The following SERPINH1 variants were observed in gnomAD, a reference collection of about 807,000 sequenced individuals.
SERPINH1 encodes the protein serpin family H member 1.
SERPINH1 carries 22 observed loss-of-function variants against 32.3 expected under a neutral mutation model. The observed-to-expected ratio is 0.68, with a 90% CI of 0.49 to 0.97. The LOEUF is 0.97. Ranked by LOEUF, SERPINH1 falls within the 50% of genes least tolerant of loss-of-function variation. The pLI, the probability that SERPINH1 is intolerant of heterozygous loss-of-function variation, is 0.00. For synonymous variants in SERPINH1, 251 were observed against 245.9 expected (o/e 1.02, Z -0.19); for missense variants, 543 against 576.4 (o/e 0.94, Z 0.59).
intron 2 of SERPINH1, chr11:75,568,292 A>C: frequency 4.8e-6 from 1 of 209,944 alleles, no homozygotes; most frequent in Non-Finnish European, 9.2e-6. Flanking sequence ...ACCTTGTCTC[A>C]AAAAGAAAAA....
rs768360780 is a variant in SERPINH1 at position 75,572,050 on chromosome 11, G to C, written c.1224G>C (p.Arg408=). ...TGCTATTCATTGGGCGCCTGGTCCG[G>C]CCTAAGGGTGACAAGATGCGAGACG... ...GSLLFIGRLV[R]PKGDKMRDEL The change falls in exon 5 of 5, where the codon CGG becomes CGC. Residue 408 remains arginine, a synonymous_variant. Transcript: ENST00000358171. 3 of 1,614,196 alleles carry C rather than the reference G, an allele frequency of 1.9e-6. No homozygotes were observed. In the East Asian group the frequency reaches 6.7e-5, roughly 36 times the overall value.
chr11:75,568,475 C>G, intron 2 of SERPINH1: 1 of 537,816 alleles, frequency 1.9e-6, no homozygotes, highest in Non-Finnish European at 3.4e-6. Flanking sequence ...GGAATTAATT[C>G]TCTATCATAT....
intron 3 of SERPINH1, 23 bp from the exon 4 acceptor site, chr11:75,568,916 T>C: frequency 6.2e-7 from 1 of 1,611,842 alleles, no homozygotes; most frequent in South Asian, 1.1e-5. Context: ...GGGTGCCCAG[T>C]GTCCTTTCCG....
Position 75,566,466 on chromosome 11 carries a change from G to C in SERPINH1, c.117G>C (p.Lys39Asn). Residue 39 changes from lysine (K) to asparagine (N), a missense_variant, in exon 2 of 5, where the codon AAG (lysine) becomes AAC (asparagine). This residue lies in a region of SERPINH1 where 109 missense variants were observed against 102.4 expected (regional missense o/e 1.06). Transcript: ENST00000358171. ...APGTAEKLSPKAATLAERSAG... is the reference protein window; with the variant it reads ...APGTAEKLSPNAATLAERSAG... ...GCACTGCGGAGAAGTTGAGCCCCAA[G>C]GCGGCCACGCTTGCCGAGCGCAGCG... is the stretch of plus-strand genomic sequence containing the variant. The C allele has an allele frequency of 6.2e-7, 1 of 1,612,444 alleles. No individual in the cohort carries two copies. The highest frequency in any genetic ancestry group is 1.1e-5 in the South Asian group (1 of 90,986).
At chr11:75,563,000 G>A (rs1942005072) in intron 1 of SERPINH1, 1 of 152,190 alleles carries the variant, frequency 6.6e-6, no homozygotes, top group Non-Finnish European at 1.5e-5. Context: ...CTACCACTCC[G>A]AAAAAAGAGA....
In SERPINH1 at chr11:75,568,988, G is replaced by C. The variant is rs1015978540; in HGVS notation, c.771G>C (p.Glu257Asp). 1.4e-5 allele frequency: 23 copies of C among 1,614,060 alleles called. No individual in the cohort carries two copies. The Middle Eastern group carries it at 4.9e-4, about 35-fold the overall frequency. Residue 257 changes from glutamate to aspartate, a missense_variant, in exon 4 of 5, where the codon GAG (glutamate) becomes GAC (aspartate). By Grantham distance (45) the Glu-to-Asp change is conservative. Transcript: ENST00000358171. ...AGAAGGAAAAGCTGCAAATCGTGGA[G>C]ATGCCCCTGGCCCACAAGCTCTCCA... Reference protein sequence around the residue: ...DDEKEKLQIVEMPLAHKLSSL... With the variant: ...DDEKEKLQIVDMPLAHKLSSL...
chr11:75,569,021 C>T lies in SERPINH1; in HGVS notation c.804C>T (p.Ile268=), dbSNP rs1942150058. 1.9e-6 allele frequency: 3 copies of T among 1,614,126 alleles called. No homozygotes were observed. Among genetic ancestry groups the T allele is most frequent in the Admixed American group, 1.7e-5 (1 of 60,016 alleles). Residue 268 remains isoleucine, a synonymous_variant, in exon 4 of 5, where the codon ATC becomes ATT. Transcript: ENST00000358171. ...MPLAHKLSSL[I]ILMPHHVEPL... is the part of the protein sequence containing the mutation. ...TGGCCCACAAGCTCTCCAGCCTCAT[C>T]ATCCTCATGCCCCATCACGTGGAGC...
Position 75,568,936 on chromosome 11 carries a change from C to T in SERPINH1, c.722-3C>T, listed in dbSNP as rs761892171. ...CCCAGTGTCCTTTCCGCTCCTCTCCCAGGCCTCTACAACTACTACGACGAC... is the reference window on the plus strand; with the variant it reads ...CCCAGTGTCCTTTCCGCTCCTCTCCTAGGCCTCTACAACTACTACGACGAC... On this transcript the variant is annotated splice_polypyrimidine_tract_variant and splice_region_variant and intron_variant, in intron 3 of 4. Coordinates refer to ENST00000358171, the MANE Select transcript of SERPINH1 (RefSeq NM_001235.5). The T allele has an allele frequency of 6.2e-7, 1 of 1,613,634 alleles. No homozygotes were observed. Among genetic ancestry groups the T allele is most frequent in the South Asian group, 1.1e-5 (1 of 91,072 alleles).
intron 4 of SERPINH1, chr11:75,569,400 T>C (rs887067801): frequency 1.6e-5 from 9 of 568,860 alleles, no homozygotes; most frequent in Non-Finnish European, 2.5e-5. Flanking sequence ...TGCTAGGCGT[T>C]CTTCTAAGCA....
Position 75,572,025 on chromosome 11 carries a change from T to A in SERPINH1, c.1199T>A (p.Leu400Gln), listed in dbSNP as rs943602399. ...GTGCGGGACACCCAAAGCGGCTCCC[T>A]GCTATTCATTGGGCGCCTGGTCCGG... ...FLVRDTQSGSLLFIGRLVRPK... is the reference protein window; with the variant it reads ...FLVRDTQSGSQLFIGRLVRPK... Residue 400 changes from leucine (L) to glutamine (Q), a missense_variant, in exon 5 of 5, where the codon CTG becomes CAG. This residue lies in a region of SERPINH1 where 427 missense variants were observed against 446.4 expected (regional missense o/e 0.96). Coordinates refer to ENST00000358171, the MANE Select transcript of SERPINH1 (RefSeq NM_001235.5). 2 of 1,614,166 alleles carry A rather than the reference T, an allele frequency of 1.2e-6. No individual in the cohort carries two copies. Among genetic ancestry groups the A allele is most frequent in the Non-Finnish European group, 1.7e-6 (2 of 1,180,030 alleles).
Position 75,571,870 on chromosome 11 carries a change from G to A in SERPINH1, c.1044G>A (p.Leu348=). ...TGTCAGGCAAGAAGGACCTGTACCTGGCCAGCGTGTTCCACGCCACCGCCT... is the reference window on the plus strand; with the variant it reads ...TGTCAGGCAAGAAGGACCTGTACCTAGCCAGCGTGTTCCACGCCACCGCCT... ...SRMSGKKDLY[L]ASVFHATAFE... is the part of the protein sequence containing the mutation. The change falls in exon 5 of 5, where the codon CTG becomes CTA. Residue 348 remains leucine (L), a synonymous_variant. Coordinates refer to ENST00000358171, the MANE Select transcript of SERPINH1 (RefSeq NM_001235.5). 1 of 1,614,198 alleles carries A rather than the reference G, an allele frequency of 6.2e-7. No homozygotes were observed. Among genetic ancestry groups the A allele is most frequent in the Non-Finnish European group, 8.5e-7 (1 of 1,180,026 alleles).
rs1381273822 is a variant in SERPINH1 at position 75,572,611 on chromosome 11, ACT to A, written c.*531_*532del. 5.7e-6 allele frequency: 1 copy of A among 174,442 alleles called. No individual in the cohort carries two copies. Among genetic ancestry groups the A allele is most frequent in the Non-Finnish European group, 1.2e-5 (1 of 80,176 alleles). 10.8% of individuals were successfully genotyped at this position (174,442 alleles called of 1,614,324 possible). A position where few individuals can be genotyped will look rare whatever the true frequency, so the allele number is the denominator to read the frequency against. On this transcript the variant is annotated 3_prime_UTR_variant, in exon 5 of 5. Transcript: ENST00000358171. The stretch of plus-strand genomic sequence containing the variant: ...GCTCCCAGGAGGGGCTTCTGGGCAG[ACT>A]CTGGTCAAGAAGCATCGTGTCTGGC...
In SERPINH1 at chr11:75,566,663, A is replaced by G. The variant is rs1041020879; in HGVS notation, c.314A>G (p.Glu105Gly). 1 of 1,608,404 alleles carries G rather than the reference A, an allele frequency of 6.2e-7. No homozygotes were observed. Among genetic ancestry groups the G allele is most frequent in the African/African-American group, 1.3e-5 (1 of 74,828 alleles). Residue 105 changes from glutamate to glycine, a missense_variant, in exon 2 of 5, where the codon GAG becomes GGG. Around this residue, in one of 3 missense-constraint regions of SERPINH1, gnomAD observed 427 missense variants for 446.4 expected, o/e 0.96. Coordinates refer to ENST00000358171, the MANE Select transcript of SERPINH1 (RefSeq NM_001235.5). ...CTGAGCGCCGAGCAGCTGCGCGACG[A>G]GGAGGTGCACGCCGGCCTGGGCGAG... ...AVLSAEQLRD[E>G]EVHAGLGELL...
At chr11:75,565,164 T>C (rs1448383867) in intron 1 of SERPINH1, among the ~76,000 whole-genome samples, 1 of 152,176 alleles carries the variant, frequency 6.6e-6, no homozygotes, top group African/African-American at 2.4e-5. Flanking sequence ...GAACTGGGGC[T>C]TGTCCTTGGG....
At chr11:75,566,265 G>A (rs1444689506) in intron 1 of SERPINH1, 51 bp from the exon 2 acceptor site, 1 of 1,495,598 alleles carries the variant, frequency 6.7e-7, no homozygotes, top group Non-Finnish European at 9.1e-7. Context: ...GTGGTTGTTG[G>A]GGAGGAAGGC....
At chr11:75,567,619 G>C (rs555449171) in intron 2 of SERPINH1, among the ~76,000 whole-genome samples, 300 of 152,332 alleles carry the variant, frequency 2.0e-3, no homozygotes, top group African/African-American at 7.0e-3. Context: ...ACCATGTGCG[G>C]CCAAGACCCA....
chr11:75,568,760 A>G lies in SERPINH1; in HGVS notation c.652A>G (p.Met218Val), dbSNP rs1396795405. ...PHWDEKFHHK[M>V]VDNRGFMVTR... ...CTGGGATGAGAAATTCCACCACAAG[A>G]TGGTGGACAACCGTGGCTTCATGGT... The change falls in exon 3 of 5, where the codon ATG becomes GTG. Residue 218 changes from methionine to valine, a missense_variant. By Grantham distance (21) the Met-to-Val change is conservative (BLOSUM62 1). Transcript: ENST00000358171. 1.2e-6 allele frequency: 2 copies of G among 1,613,222 alleles called. No individual in the cohort carries two copies. The highest frequency in any genetic ancestry group is 1.1e-5 in the South Asian group (1 of 91,052).
chr11:75,566,536 G>A lies in SERPINH1; in HGVS notation c.187G>A (p.Ala63Thr), dbSNP rs758261919. 1.2e-6 allele frequency: 2 copies of A among 1,611,906 alleles called. No individual in the cohort carries two copies. Among genetic ancestry groups the A allele is most frequent in the Non-Finnish European group, 1.7e-6 (2 of 1,179,786 alleles). The change falls in exon 2 of 5, where the codon GCA (alanine) becomes ACA (threonine). Residue 63 changes from alanine (A) to threonine (T), a missense_variant. Ala to Thr is a moderately conservative substitution (Grantham distance 58). Coordinates refer to ENST00000358171, the MANE Select transcript of SERPINH1 (RefSeq NM_001235.5). ...GTACCAGGCCATGGCCAAGGACCAG[G>A]CAGTGGAGAACATCCTGGTGTCACC... The part of the protein sequence containing the change: ...SLYQAMAKDQ[A>T]VENILVSPVV...
chr11:75,567,614 G>A (rs556049624), intron 2 of SERPINH1, among the ~76,000 whole-genome samples: 1 of 152,348 alleles, frequency 6.6e-6, no homozygotes, highest in African/African-American at 2.4e-5. Context: ...GAGCCACCAT[G>A]TGCGGCCAAG....
Sources: gnomAD v4.1 joint callset for allele counts (sites outside exome capture counted in the v4.1 genomes callset) on GRCh38, gnomAD v4.1.1 for gene constraint, gnomAD v4.1.1 regional missense constraint, MANE v1.5 for transcripts, NCBI Gene and HGNC (gene_info 2026-07-23, HGNC 2026-07-21) for gene names.